MED12L: variants seen among roughly 807,000 people sequenced by gnomAD.
The protein encoded by MED12L is mediator of RNA polymerase II transcription subunit 12-like protein.
MED12L carries 60 observed loss-of-function variants against 281.3 expected under a neutral mutation model. That is an observed-to-expected ratio of 0.21 (90% confidence interval 0.17 to 0.26). MED12L has a LOEUF of 0.26. Among genes scored for constraint, MED12L ranks in the 10% least tolerant of loss-of-function variants. The probability of loss-of-function intolerance (pLI) is 1.00; values close to 1 mark genes in which losing one functional copy is unlikely to be tolerated. For synonymous variants in MED12L, 974 were observed against 987.2 expected (o/e 0.99, Z 0.25); for missense variants, 2,146 against 2,680.9 (o/e 0.80, Z 4.41).
chr3:151,128,388 A>G (rs1443626212), intron 5 of MED12L, among the ~76,000 whole-genome samples: 4 of 152,100 alleles, frequency 2.6e-5, no homozygotes, highest in African/African-American at 4.8e-5. Flanking sequence ...TTGTGTTTCT[A>G]TTTATAAATT....
At chr3:151,321,825 C>G (rs548831760) in intron 16 of MED12L, among the ~76,000 whole-genome samples, 2 of 152,150 alleles carry the variant, frequency 1.3e-5, no homozygotes, top group Non-Finnish European at 2.9e-5. Flanking sequence ...ATCACTCCCC[C>G]CAATTGTCTC....
At chr3:151,209,876 G>A (rs916052058) in intron 16 of MED12L, among the ~76,000 whole-genome samples, 1 of 152,110 alleles carries the variant, frequency 6.6e-6, no homozygotes, top group Admixed American at 6.5e-5. Context: ...AGTGTATCAC[G>A]AGTTTCTCAT....
chr3:151,404,165 A>G (rs62285916), intron 39 of MED12L, among the ~76,000 whole-genome samples: 9,997 of 152,236 alleles, frequency 0.066, 490 homozygotes, highest in Middle Eastern at 0.18. Context: ...CGTGATTTCT[A>G]TATTAATTCA....
chr3:151,127,001 C>T (rs773464833), intron 4 of MED12L, among the ~76,000 whole-genome samples: 5 of 152,168 alleles, frequency 3.3e-5, no homozygotes, highest in Non-Finnish European at 5.9e-5. Context: ...CATCCTGCTG[C>T]ATCGTGGCTA....
At chr3:151,128,704 C>T (rs1042430411) in intron 5 of MED12L, among the ~76,000 whole-genome samples, 3 of 152,232 alleles carry the variant, frequency 2.0e-5, no homozygotes, top group African/African-American at 4.8e-5. Flanking sequence ...ACCTAAATTG[C>T]ATTCCCTCTC....
At chr3:151,105,687 CCTT>C (rs371583550) in intron 2 of MED12L, among the ~76,000 whole-genome samples, 109 of 152,256 alleles carry the variant, frequency 7.2e-4, no homozygotes, top group African/African-American at 2.5e-3. Flanking sequence ...TCTCACTTGA[CCTT>C]CTCTCTAGGT....
At chr3:151,193,045 T>C (rs1428693747) in intron 15 of MED12L, among the ~76,000 whole-genome samples, 1 of 152,222 alleles carries the variant, frequency 6.6e-6, no homozygotes, top group East Asian at 1.9e-4. Flanking sequence ...AATATAATTA[T>C]AATGTGTTCT....
intron 16 of MED12L, among the ~76,000 whole-genome samples, chr3:151,241,275 A>G (rs1429705715): frequency 6.6e-6 from 1 of 152,242 alleles, no homozygotes; most frequent in Non-Finnish European, 1.5e-5. Flanking sequence ...GGCAATACCA[A>G]AGGTTATTAG....
intron 16 of MED12L, among the ~76,000 whole-genome samples, chr3:151,339,876 C>T (rs1487364052): frequency 6.6e-6 from 1 of 151,982 alleles, no homozygotes; most frequent in Non-Finnish European, 1.5e-5. Context: ...TTTATTTCAC[C>T]AGAGATAAGT....
chr3:151,392,467 G>GAAAAAAA (rs200781609), intron 38 of MED12L, among the ~76,000 whole-genome samples: 2 of 95,850 alleles, frequency 2.1e-5, no homozygotes, highest in Non-Finnish European at 3.9e-5. Flanking sequence ...TCCATCTCAA[G>GAAAAAAA]AAAAAAAAAA....
At chr3:151,294,171 A>G (rs1233212072) in intron 16 of MED12L, 7 of 1,546,148 alleles carry the variant, frequency 4.5e-6, no homozygotes, top group Non-Finnish European at 6.2e-6. Flanking sequence ...TAAAAGGCCT[A>G]CACATCAGTG....
intron 11 of MED12L, among the ~76,000 whole-genome samples, chr3:151,182,837 A>G (rs1704303902): frequency 1.3e-5 from 2 of 152,118 alleles, no homozygotes; most frequent in South Asian, 4.1e-4. Context: ...GGGTTTTAGT[A>G]GCTTAGGGGT....
At chr3:151,089,671 T>C (rs1421978551) in intron 2 of MED12L, among the ~76,000 whole-genome samples, 1 of 139,320 alleles carries the variant, frequency 7.2e-6, no homozygotes, top group African/African-American at 2.7e-5. Flanking sequence ...TGTGGAGAAG[T>C]ATGGGGGTGG....
chr3:151,152,735 C>T (rs868007363), intron 5 of MED12L, among the ~76,000 whole-genome samples: 3 of 152,152 alleles, frequency 2.0e-5, no homozygotes, highest in Admixed American at 2.0e-4. Context: ...AGGTAAATGC[C>T]TTGCTCCAGG....
intron 43 of MED12L, among the ~76,000 whole-genome samples, chr3:151,420,243 T>C (rs975865195): frequency 6.6e-6 from 1 of 152,164 alleles, no homozygotes; most frequent in Non-Finnish European, 1.5e-5. Flanking sequence ...GTAGACTGAT[T>C]TCATCTTGAT....
chr3:151,159,147 A>AG (rs1719672668), intron 7 of MED12L, among the ~76,000 whole-genome samples: 1 of 152,256 alleles, frequency 6.6e-6, no homozygotes, highest in African/African-American at 2.4e-5. Flanking sequence ...TTTTGAAGAT[A>AG]GGGGATCTTC....
intron 16 of MED12L, among the ~76,000 whole-genome samples, chr3:151,298,874 GTAA>G (rs1381445481): frequency 1.3e-5 from 2 of 152,148 alleles, no homozygotes; most frequent in Non-Finnish European, 2.9e-5. Flanking sequence ...AAGTTTCCCG[GTAA>G]CCACATCTGG....
In MED12L at chr3:151,365,817, G is replaced by T. The variant is rs200118612; in HGVS notation, c.3186-33G>T. ...AGGTGAGTATTTCTCTTTTGTACAAGGTTACTTTCTGTGTCTTCTTTTTCT... is the reference window on the plus strand; with the variant it reads ...AGGTGAGTATTTCTCTTTTGTACAATGTTACTTTCTGTGTCTTCTTTTTCT... On this transcript the variant is annotated intron_variant, in intron 22 of 44. Coordinates refer to ENST00000687756, the MANE Select transcript of MED12L (RefSeq NM_001393769.1). 4.0e-5 allele frequency: 63 copies of T among 1,568,152 alleles called. 1 individual carries two copies. The South Asian group carries it at 7.0e-4, about 17-fold the overall frequency.
chr3:151,382,376 G>A (rs1198403401), intron 32 of MED12L, among the ~76,000 whole-genome samples: 1 of 151,996 alleles, frequency 6.6e-6, no homozygotes, highest in African/African-American at 2.4e-5. Context: ...TTTTATTAAT[G>A]CTTAATTTGA....
Sources: gnomAD v4.1 joint callset for allele counts (sites outside exome capture counted in the v4.1 genomes callset) on GRCh38, gnomAD v4.1.1 for gene constraint, MANE v1.5 for transcripts, NCBI Gene and HGNC (gene_info 2026-07-23, HGNC 2026-07-21) for gene names.